NR3C1: variants seen among roughly 807,000 people sequenced by gnomAD.
The protein encoded by NR3C1 is glucocorticoid receptor.
Under a neutral mutation model 74.0 loss-of-function variants are expected in NR3C1, and 14 were observed. The observed-to-expected ratio is 0.19, with a 90% CI of 0.12 to 0.30. The LOEUF (loss-of-function observed/expected upper bound fraction) is 0.30, where lower values mean the gene tolerates loss of function less well. Among genes scored for constraint, NR3C1 ranks in the 10% least tolerant of loss-of-function variants. NR3C1 has a pLI of 1.00. For synonymous variants in NR3C1, 308 were observed against 332.5 expected (o/e 0.93, Z 0.80); for missense variants, 695 against 909.8 (o/e 0.76, Z 3.04).
chr5:143,401,976 G>C lies in NR3C1; in HGVS notation c.-13-1124C>G, dbSNP rs540573985. Among the ~76,000 whole-genome samples the C allele has an allele frequency of 3.9e-5, 6 of 152,276 alleles. No homozygotes were observed. The South Asian group carries it at 1.2e-3, about 32-fold the overall frequency. ...AAGAGATGGGCTAAGACGGAGAAGC[G>C]CATTTGGGACACTATAGTCAAATCC... On this transcript the variant is annotated intron_variant, in intron 1 of 8. Transcript: ENST00000394464.
rs528962415 is a variant in NR3C1 at position 143,376,069 on chromosome 5, G to A, written c.1184+23587C>T. Among the ~76,000 whole-genome samples, 14 of 151,928 alleles carry A rather than the reference G, an allele frequency of 9.2e-5. No homozygotes were observed. The South Asian group carries it at 1.9e-3, about 20-fold the overall frequency. On this transcript the variant is annotated intron_variant, in intron 2 of 8. Coordinates refer to ENST00000394464, the MANE Select transcript of NR3C1 (RefSeq NM_000176.3). ...CCTGAAATTAGATCTATGCCAATGA[G>A]AATTTTTCTAAAGCAAAATAAGGAA...
chr5:143,404,048 C>G (rs1347331164), upstream of NR3C1: 12 of 985,466 alleles, frequency 1.2e-5, no homozygotes, highest in Non-Finnish European at 1.4e-5. Flanking sequence ...TTCTCGCTAC[C>G]TCCTTCCCGC....
chr5:143,353,753 A>C (rs754840262), intron 2 of NR3C1, among the ~76,000 whole-genome samples: 3 of 152,198 alleles, frequency 2.0e-5, no homozygotes, highest in Non-Finnish European at 4.4e-5. Flanking sequence ...GAGTACAAGC[A>C]GAGTAGATTA....
intron 2 of NR3C1, among the ~76,000 whole-genome samples, chr5:143,380,796 A>C (rs1836075633): frequency 2.0e-5 from 3 of 152,172 alleles, no homozygotes; most frequent in Admixed American, 6.5e-5. Context: ...TCCTAACTAT[A>C]ATCAATTAGT....
chr5:143,286,922 C>G (rs1160439231), intron 7 of NR3C1, among the ~76,000 whole-genome samples: 1 of 150,888 alleles, frequency 6.6e-6, no homozygotes, highest in Admixed American at 6.6e-5. Flanking sequence ...GTACCTCCTA[C>G]CTCAGTGGAA....
intron 2 of NR3C1, among the ~76,000 whole-genome samples, chr5:143,367,560 G>A (rs1002595343): frequency 2.0e-5 from 3 of 152,082 alleles, no homozygotes; most frequent in Admixed American, 1.3e-4. Flanking sequence ...CTAGGTTGCA[G>A]GATACAAAAA....
At chr5:143,406,426 T>A (rs1443007433), upstream of NR3C1, among the ~76,000 whole-genome samples, 1 of 151,774 alleles carries the variant, frequency 6.6e-6, no homozygotes, top group Non-Finnish European at 1.5e-5. Flanking sequence ...AAAAAAAACT[T>A]ATCCTAATTT....
At chr5:143,283,874 G>C (rs548855925) in intron 7 of NR3C1, among the ~76,000 whole-genome samples, 1 of 152,242 alleles carries the variant, frequency 6.6e-6, no homozygotes, top group Non-Finnish European at 1.5e-5. Context: ...CAAAGGATTT[G>C]GTGGTCAAAG....
Position 143,346,884 on chromosome 5 carries a change from T to C in NR3C1, c.1185-32716A>G, listed in dbSNP as rs372764809. Among the ~76,000 whole-genome samples, 4 of 152,304 alleles carry C rather than the reference T, an allele frequency of 2.6e-5. No individual in the cohort carries two copies. The East Asian group carries it at 7.7e-4, about 29-fold the overall frequency. On this transcript the variant is annotated intron_variant, in intron 2 of 8. Transcript: ENST00000394464. ...AATAAGATTCTTTTATAATTTAAGA[T>C]TGCTTGGCAGAAATAGTGAATGGTA...
chr5:143,365,919 A>G (rs569033524), intron 2 of NR3C1, among the ~76,000 whole-genome samples: 43 of 152,214 alleles, frequency 2.8e-4, no homozygotes, highest in Non-Finnish European at 5.0e-4. Context: ...GAGGGGGAAG[A>G]AATCACAATG....
At chr5:143,381,451 T>C (rs1561727142) in intron 2 of NR3C1, among the ~76,000 whole-genome samples, 1 of 151,950 alleles carries the variant, frequency 6.6e-6, no homozygotes, top group East Asian at 1.9e-4. Context: ...AATCATAGGA[T>C]TTATATGGAA....
chr5:143,339,087 T>C (rs1827727270), intron 2 of NR3C1, among the ~76,000 whole-genome samples: 1 of 152,196 alleles, frequency 6.6e-6, no homozygotes. Flanking sequence ...CTGTAGGACA[T>C]ACCATTCAGA....
intron 2 of NR3C1, among the ~76,000 whole-genome samples, chr5:143,349,410 C>T (rs1408492314): frequency 6.6e-6 from 1 of 152,136 alleles, no homozygotes; most frequent in East Asian, 1.9e-4. Context: ...ATCCTTCTTA[C>T]TATAATCTAT....
rs3822376 is a variant in NR3C1 at position 143,310,270 on chromosome 5, A to C, written c.1352-57T>G. 9.0e-4 allele frequency: 1,097 copies of C among 1,216,582 alleles called. 14 individuals are homozygous for C. In the East Asian group the frequency reaches 0.019, roughly 21 times the overall value. The allele number at this position is 1,216,582 out of a possible 1,614,324, so 75.4% of individuals were successfully genotyped here. A position where few individuals can be genotyped will look rare whatever the true frequency, so the allele number is the denominator to read the frequency against. On this transcript the variant is annotated intron_variant, in intron 3 of 8. Transcript: ENST00000394464. ...CACAGGTCTTCAAACATATTTTATA[A>C]GGACAGCCTCTGTCTTTGTTTCCGG... is the stretch of plus-strand genomic sequence containing the variant.
At chr5:143,434,275 A>G (rs536814811) in intron 1 of NR3C1, among the ~76,000 whole-genome samples, 3 of 152,260 alleles carry the variant, frequency 2.0e-5, no homozygotes, top group Non-Finnish European at 4.4e-5. Context: ...TCCCTGCTGT[A>G]TCTTCATTGC....
chr5:143,311,023 G>A (rs1403375081), intron 3 of NR3C1, among the ~76,000 whole-genome samples: 2 of 152,188 alleles, frequency 1.3e-5, no homozygotes, highest in Admixed American at 1.3e-4. Flanking sequence ...TCAATTCTTT[G>A]TAAAGAATAG....
intron 1 of NR3C1, chr5:143,409,128 T>C (rs1841211747): frequency 5.3e-5 from 8 of 152,208 alleles, no homozygotes. Flanking sequence ...AGTGCAGAAG[T>C]GACCATGGTT....
rs576368240 is a variant in NR3C1, at chr5:143,281,834, A to G, written c.*55T>C. ...TCTACAGGACAAACTGATAGTTTAT[A>G]CAATAAAAGCTATTAATTCGACTTT... On this transcript the variant is annotated 3_prime_UTR_variant, in exon 9 of 9. Coordinates refer to ENST00000394464, the MANE Select transcript of NR3C1 (RefSeq NM_000176.3). The G allele has an allele frequency of 3.2e-5, 48 of 1,523,452 alleles. No homozygotes were observed. In the South Asian group the frequency reaches 5.4e-4, roughly 17 times the overall value. 94.4% of individuals were successfully genotyped at this position (1,523,452 alleles called of 1,614,324 possible). A position where few individuals can be genotyped will look rare whatever the true frequency, so the allele number is the denominator to read the frequency against.
intron 4 of NR3C1, among the ~76,000 whole-genome samples, chr5:143,308,238 A>T (rs187124326): frequency 3.1e-3 from 472 of 152,218 alleles, no homozygotes; most frequent in Admixed American, 9.3e-3. Flanking sequence ...CGTTGGGAGG[A>T]TCACTTAAGG....
Sources: gnomAD v4.1 joint callset for allele counts (sites outside exome capture counted in the v4.1 genomes callset) on GRCh38, gnomAD v4.1.1 for gene constraint, MANE v1.5 for transcripts, NCBI Gene and HGNC (gene_info 2026-07-23, HGNC 2026-07-21) for gene names.